Variants in ANXA4 observed in about 807,000 individuals in gnomAD.
ANXA4 encodes annexin A4, also known as 35-beta calcimedin.
ANXA4 carries 39 observed loss-of-function variants against 49.8 expected under a neutral mutation model. That is an observed-to-expected ratio of 0.78 (90% CI 0.61 to 1.02). The LOEUF (loss-of-function observed/expected upper bound fraction) is 1.02. Among genes scored for constraint, ANXA4 ranks in the 50% least tolerant of loss-of-function variants. ANXA4 has a pLI of 0.00. For missense variants in ANXA4, 360 were observed against 410.1 expected, an observed-to-expected ratio of 0.88 and a Z score of 1.05; for synonymous variants, 134 against 152.5, an observed-to-expected ratio of 0.88 and a Z score of 0.89.
chr2:69,787,853 C>T (rs1044403943), intron 2 of ANXA4, among the ~76,000 whole-genome samples: 1 of 152,208 alleles, frequency 6.6e-6, no homozygotes, highest in Non-Finnish European at 1.5e-5. Context: ...GAATTGTTGG[C>T]TTGTTTACTG....
intron 3 of ANXA4, among the ~76,000 whole-genome samples, chr2:69,789,173 A>C (rs536116390): frequency 5.8e-4 from 88 of 152,318 alleles, no homozygotes; most frequent in Admixed American, 9.8e-4. Flanking sequence ...CATTGGATAT[A>C]TGCAACAACC....
At chr2:69,813,746 C>G (rs1025962788) in intron 8 of ANXA4, among the ~76,000 whole-genome samples, 4 of 128,594 alleles carry the variant, frequency 3.1e-5, no homozygotes, top group African/African-American at 8.4e-5. Context: ...TATTCTCTCT[C>G]TCTCTCTCTC....
At chr2:69,739,635 G>A (rs535490884), upstream of ANXA4, among the ~76,000 whole-genome samples, 4 of 151,944 alleles carry the variant, frequency 2.6e-5, no homozygotes, top group Admixed American at 2.6e-4. Flanking sequence ...TGTTGCCCAG[G>A]CTGATCTCGA....
chr2:69,667,942 C>T (rs1677001297), intron 2 of ANXA4, among the ~76,000 whole-genome samples: 2 of 152,146 alleles, frequency 1.3e-5, no homozygotes, highest in African/African-American at 4.8e-5. Flanking sequence ...CGGGACAAGC[C>T]GTCATGCTGA....
At chr2:69,824,441 C>T (rs1573327261) in intron 12 of ANXA4, among the ~76,000 whole-genome samples, 1 of 148,802 alleles carries the variant, frequency 6.7e-6, no homozygotes, top group South Asian at 2.1e-4. Context: ...AGGCGGAGGT[C>T]GCAGTGAGCC....
At chr2:69,792,641 T>G (rs2103735006) in intron 3 of ANXA4, among the ~76,000 whole-genome samples, 1 of 152,346 alleles carries the variant, frequency 6.6e-6, no homozygotes, top group South Asian at 2.1e-4. Flanking sequence ...AACCTTCTAC[T>G]TTAAGACAAT....
intron 1 of ANXA4, 44 bp from the exon 2 acceptor site, chr2:69,781,474 TGC>T: frequency 1.4e-6 from 2 of 1,475,728 alleles, no homozygotes; most frequent in South Asian, 2.3e-5. Flanking sequence ...ATGATTTTAA[TGC>T]CATTTCCTTC....
At chr2:69,753,287 C>G (rs13020369) in intron 1 of ANXA4, among the ~76,000 whole-genome samples, 42,415 of 151,914 alleles carry the variant, frequency 0.28, 6,002 homozygotes, top group East Asian at 0.36. Context: ...GGTCTGAAAA[C>G]CACTTGCATA....
At chr2:69,670,904 T>G (rs1677155509) in intron 2 of ANXA4, among the ~76,000 whole-genome samples, 1 of 151,162 alleles carries the variant, frequency 6.6e-6, no homozygotes, top group African/African-American at 2.4e-5. Flanking sequence ...TGCACACCAG[T>G]AGGCTCAGCT....
chr2:69,740,554 G>C (rs1403319823), upstream of ANXA4, among the ~76,000 whole-genome samples: 1 of 151,904 alleles, frequency 6.6e-6, no homozygotes, highest in Non-Finnish European at 1.5e-5. Context: ...CCTGGGTTTA[G>C]AGTGATCCTC....
At chr2:69,708,433 A>G (rs1678570805) in intron 2 of ANXA4, among the ~76,000 whole-genome samples, 1 of 151,912 alleles carries the variant, frequency 6.6e-6, no homozygotes, top group African/African-American at 2.4e-5. Context: ...CTGTCTCTAC[A>G]AAAAATACAA....
intron 1 of ANXA4, among the ~76,000 whole-genome samples, chr2:69,745,819 C>T (rs2105477865): frequency 6.6e-6 from 1 of 152,026 alleles, no homozygotes; most frequent in Admixed American, 6.5e-5. Flanking sequence ...GTGTGAGCCA[C>T]CACGCCCGGC....
At chr2:69,723,008 T>C (rs544456379) in intron 3 of ANXA4, among the ~76,000 whole-genome samples, 1 of 132,896 alleles carries the variant, frequency 7.5e-6, no homozygotes, top group South Asian at 2.3e-4. Flanking sequence ...CCATCTCTAC[T>C]AAAAATACCA....
intron 3 of ANXA4, among the ~76,000 whole-genome samples, chr2:69,789,451 A>C (rs954576869): frequency 6.6e-6 from 1 of 152,166 alleles, no homozygotes; most frequent in African/African-American, 2.4e-5. Flanking sequence ...TAATGTGAGA[A>C]GGCTGGTGAA....
intron 2 of ANXA4, among the ~76,000 whole-genome samples, chr2:69,659,800 C>G (rs1676642401): frequency 6.6e-6 from 1 of 152,142 alleles, no homozygotes; most frequent in South Asian, 2.1e-4. Context: ...TTGCAGGTGA[C>G]AGAAAGGAAG....
At chr2:69,706,388 C>A (rs1678499871) in intron 2 of ANXA4, among the ~76,000 whole-genome samples, 1 of 145,428 alleles carries the variant, frequency 6.9e-6, no homozygotes, top group Admixed American at 7.2e-5. Context: ...GCAACCTCTG[C>A]CTCCCGGGTT....
At position 69,647,469 on chromosome 2, in the gene ANXA4, C is replaced by T. The variant is rs549144663; in HGVS notation, n.481+2564C>T. On this transcript the variant is annotated intron_variant and non_coding_transcript_variant, in intron 1 of 3. Coordinates refer to the ANXA4 transcript ENST00000418066. Reference sequence around the variant, plus strand: ...TGTAGCTCAAGTTGTAGTGCAGTGGCGTGATCTCGTCTCACTGCAACCTCT... The same window carrying T: ...TGTAGCTCAAGTTGTAGTGCAGTGGTGTGATCTCGTCTCACTGCAACCTCT... Among the ~76,000 whole-genome samples, 23 of 151,332 alleles carry T rather than the reference C, an allele frequency of 1.5e-4. No homozygotes were observed. The East Asian group carries it at 2.5e-3, about 17-fold the overall frequency.
At chr2:69,712,618 T>A (rs944115427) in intron 2 of ANXA4, among the ~76,000 whole-genome samples, 8 of 152,244 alleles carry the variant, frequency 5.3e-5, no homozygotes, top group Admixed American at 1.3e-4. Context: ...TAATATGGAT[T>A]CACAAAAGAT....
intron 2 of ANXA4, among the ~76,000 whole-genome samples, chr2:69,657,734 T>A (rs1370546428): frequency 6.6e-6 from 1 of 152,210 alleles, no homozygotes; most frequent in East Asian, 1.9e-4. Context: ...CTGGATTGAT[T>A]TATGCTACTT....
Sources: gnomAD v4.1 joint callset for allele counts (sites outside exome capture counted in the v4.1 genomes callset) on GRCh38, gnomAD v4.1.1 for gene constraint, MANE v1.5 for transcripts, NCBI Gene and HGNC (gene_info 2026-07-23, HGNC 2026-07-21) for gene names.